The following BBX variants were observed in gnomAD, a reference collection of about 807,000 sequenced individuals.
BBX encodes HMG box transcription factor BBX.
In BBX, 30 loss-of-function variants were observed where a neutral mutation model predicts 100.2. The ratio of observed to expected loss-of-function variants is 0.30; its 90% confidence interval spans 0.22 to 0.41. The LOEUF (loss-of-function observed/expected upper bound fraction) is 0.41, where lower values mean the gene tolerates loss of function less well. Among genes scored for constraint, BBX ranks in the 10% least tolerant of loss-of-function variants. The pLI is 1.00. For synonymous variants in BBX, 376 were observed against 388.1 expected (o/e 0.97, Z 0.37); for missense variants, 1,023 against 1,129.8 (o/e 0.91, Z 1.35).
intron 13 of BBX, among the ~76,000 whole-genome samples, chr3:107,779,800 T>C (rs1428983089): frequency 6.6e-6 from 1 of 152,072 alleles, no homozygotes; most frequent in South Asian, 2.1e-4. Flanking sequence ...CTTTGCACAC[T>C]GGAATTGACA....
chr3:107,769,449 G>C (rs1307212647), intron 10 of BBX, among the ~76,000 whole-genome samples: 1 of 152,056 alleles, frequency 6.6e-6, no homozygotes, highest in Non-Finnish European at 1.5e-5. Flanking sequence ...ATAGCTTACT[G>C]TTGGAGCTTT....
intron 3 of BBX, among the ~76,000 whole-genome samples, chr3:107,688,207 C>G (rs1443614629): frequency 1.3e-5 from 2 of 152,216 alleles, no homozygotes; most frequent in Admixed American, 1.3e-4. Context: ...CCAGCCAGTT[C>G]TTCTAGGTCA....
chr3:107,658,443 A>G (rs2107842579), intron 3 of BBX, among the ~76,000 whole-genome samples: 1 of 152,304 alleles, frequency 6.6e-6, no homozygotes, highest in East Asian at 1.9e-4. Context: ...CAGAGGAATG[A>G]ATAATAAATT....
intron 3 of BBX, chr3:107,646,142 A>G (rs966570066): frequency 1.1e-4 from 16 of 152,182 alleles, no homozygotes; most frequent in African/African-American, 3.9e-4. Context: ...CGGTTTCAAA[A>G]TCTCTGATTC....
At position 107,601,140 on chromosome 3, in the gene BBX, A is replaced by G. The variant is rs2054037690; in HGVS notation, c.-83-44696A>G. 3.9e-5 allele frequency among the ~76,000 whole-genome samples: 6 copies of G among 152,306 alleles called. 1 individual carries two copies. In the South Asian group the frequency reaches 1.2e-3, roughly 32 times the overall value. On this transcript the variant is annotated intron_variant, in intron 2 of 17. Coordinates refer to ENST00000325805, the MANE Select transcript of BBX (RefSeq NM_001142568.3). ...GCACCACGAACTGCACCCATACACA[A>G]CTGCAAACTTAATTGGTAAAAGTTG...
chr3:107,530,041 A>G (rs1217572361), intron 2 of BBX, among the ~76,000 whole-genome samples: 1 of 152,212 alleles, frequency 6.6e-6, no homozygotes, highest in Non-Finnish European at 1.5e-5. Context: ...TAAAATATGT[A>G]AGTTCGAGAA....
intron 2 of BBX, among the ~76,000 whole-genome samples, chr3:107,545,992 G>A (rs2049211557): frequency 6.6e-6 from 1 of 152,144 alleles, no homozygotes; most frequent in Non-Finnish European, 1.5e-5. Context: ...CTTGTTTATC[G>A]TAGCTCAAAG....
At position 107,716,653 on chromosome 3, in the gene BBX, C is replaced by T; in HGVS notation, c.209C>T (p.Thr70Ile). 1 of 1,613,736 alleles carries T rather than the reference C, an allele frequency of 6.2e-7. No individual in the cohort carries two copies. Among genetic ancestry groups the T allele is most frequent in the Non-Finnish European group, 8.5e-7 (1 of 1,179,770 alleles). ...GGCCTAGAGCAAGATGTTGGTGAAA[C>T]TGAAGATGATGAATCACCAGAGCAG... is the stretch of plus-strand genomic sequence containing the variant. ...ADGLEQDVGE[T>I]EDDESPEQRA... Residue 70 changes from threonine to isoleucine, a missense_variant, in exon 5 of 18, where the codon ACT (threonine) becomes ATT (isoleucine). Thr to Ile is a moderately conservative substitution (Grantham distance 89). Around this residue, in one of 9 missense-constraint regions of BBX, gnomAD observed 229 missense variants for 226.3 expected, o/e 1.01. Transcript: ENST00000325805.
chr3:107,610,964 G>A (rs1232509987), intron 2 of BBX, among the ~76,000 whole-genome samples: 2 of 151,712 alleles, frequency 1.3e-5, no homozygotes, highest in Non-Finnish European at 2.9e-5. Flanking sequence ...TTTAGTGAAG[G>A]TGATTTTCAC....
At chr3:107,788,420 G>A (rs2068655761) in intron 13 of BBX, among the ~76,000 whole-genome samples, 1 of 152,112 alleles carries the variant, frequency 6.6e-6, no homozygotes, top group Non-Finnish European at 1.5e-5. Context: ...CAGCATGGGG[G>A]TACTGGATGA....
intron 2 of BBX, among the ~76,000 whole-genome samples, chr3:107,540,908 CT>C (rs1475842119): frequency 2.0e-5 from 3 of 151,874 alleles, no homozygotes; most frequent in Admixed American, 6.6e-5. Flanking sequence ...CTGAGACTTC[CT>C]TTTTAAAATG....
intron 3 of BBX, among the ~76,000 whole-genome samples, chr3:107,699,944 A>C (rs928275284): frequency 1.3e-5 from 2 of 152,014 alleles, no homozygotes; most frequent in African/African-American, 4.8e-5. Context: ...GTTTAGAAGC[A>C]AGAATATTAG....
At chr3:107,658,032 C>T (rs961080372) in intron 3 of BBX, among the ~76,000 whole-genome samples, 1 of 151,998 alleles carries the variant, frequency 6.6e-6, no homozygotes, top group Admixed American at 6.6e-5. Flanking sequence ...AAAAAAGTTC[C>T]TTGAGTTAGT....
At chr3:107,561,404 A>G (rs1407010590) in intron 2 of BBX, among the ~76,000 whole-genome samples, 4 of 152,314 alleles carry the variant, frequency 2.6e-5, no homozygotes, top group African/African-American at 9.6e-5. Flanking sequence ...GTGAAACTCT[A>G]AAACATCTGC....
intron 6 of BBX, 127 bp downstream of exon 6, chr3:107,729,087 G>A: frequency 1.1e-6 from 1 of 942,740 alleles, no homozygotes; most frequent in Non-Finnish European, 1.6e-6. Flanking sequence ...CAAAGATATA[G>A]CATATTTTCA....
At chr3:107,788,109 A>ATTTAT (rs749682136) in intron 13 of BBX, among the ~76,000 whole-genome samples, 21 of 152,274 alleles carry the variant, frequency 1.4e-4, no homozygotes, top group Non-Finnish European at 2.5e-4. Flanking sequence ...TATAGCTGGT[A>ATTTAT]TTTATTTTAT....
At chr3:107,553,203 A>G (rs1327895408) in intron 2 of BBX, among the ~76,000 whole-genome samples, 1 of 152,224 alleles carries the variant, frequency 6.6e-6, no homozygotes, top group Admixed American at 6.5e-5. Flanking sequence ...ATTCACAATA[A>G]TAATTACTAC....
chr3:107,618,173 A>G (rs1171854056), intron 2 of BBX, among the ~76,000 whole-genome samples: 1 of 151,952 alleles, frequency 6.6e-6, no homozygotes. Flanking sequence ...GGTGGAGTAC[A>G]TTCCTTGATT....
chr3:107,769,223 T>TGGAC (rs1553814655), intron 10 of BBX, among the ~76,000 whole-genome samples: 2 of 132,570 alleles, frequency 1.5e-5, no homozygotes, highest in African/African-American at 6.3e-5. Flanking sequence ...GATAGATAGA[T>TGGAC]AGATAGACAG....
Sources: gnomAD v4.1 joint callset for allele counts (sites outside exome capture counted in the v4.1 genomes callset) on GRCh38, gnomAD v4.1.1 for gene constraint, gnomAD v4.1.1 regional missense constraint, MANE v1.5 for transcripts, NCBI Gene and HGNC (gene_info 2026-07-23, HGNC 2026-07-21) for gene names.